Variants in CCDC170 observed in about 807,000 individuals in gnomAD.
CCDC170 encodes the protein coiled-coil domain containing 170.
Under a neutral mutation model 72.6 loss-of-function variants are expected in CCDC170, and 69 were observed. That is an observed-to-expected ratio of 0.95 (90% CI 0.78 to 1.16). The LOEUF (loss-of-function observed/expected upper bound fraction) is 1.16, where lower values mean the gene tolerates loss of function less well. Ranked by LOEUF, CCDC170 falls within the 50% of genes most tolerant of loss-of-function variation. CCDC170 has a pLI of 0.00. For missense variants in CCDC170, 852 were observed against 832.5 expected, an observed-to-expected ratio of 1.02 and a Z score of -0.29; for synonymous variants, 300 against 303.9, an observed-to-expected ratio of 0.99 and a Z score of 0.13.
At chr6:151,516,519 G>T (rs1034974730) in intron 1 of CCDC170, among the ~76,000 whole-genome samples, 1 of 152,166 alleles carries the variant, frequency 6.6e-6, no homozygotes, top group East Asian at 1.9e-4. Flanking sequence ...TGTTGAAGCG[G>T]TGTTGTTGTC....
chr6:151,565,703 T>G (rs1422297270), intron 5 of CCDC170, among the ~76,000 whole-genome samples: 1 of 152,204 alleles, frequency 6.6e-6, no homozygotes, highest in African/African-American at 2.4e-5. Context: ...TGTCCCCTAA[T>G]TTTTAGCCTC....
intron 9 of CCDC170, among the ~76,000 whole-genome samples, chr6:151,613,557 T>C (rs184410833): frequency 9.7e-4 from 148 of 152,300 alleles, no homozygotes; most frequent in Non-Finnish European, 1.9e-3. Context: ...CCCCTGGCCT[T>C]TTCTGGATCT....
At chr6:151,556,538 T>C (rs541887247) in intron 5 of CCDC170, among the ~76,000 whole-genome samples, 46 of 152,354 alleles carry the variant, frequency 3.0e-4, no homozygotes, top group Middle Eastern at 3.4e-3. Context: ...TGAGGCAGTA[T>C]TTGGCAAAGA....
chr6:151,599,939 G>A (rs1210595359), intron 9 of CCDC170, among the ~76,000 whole-genome samples: 1 of 152,198 alleles, frequency 6.6e-6, no homozygotes, highest in Non-Finnish European at 1.5e-5. Context: ...TTACTTGGTT[G>A]CCTTATTTTG....
In CCDC170 at chr6:151,580,895, T is replaced by A. The variant is rs1389179991; in HGVS notation, c.1093-4994T>A. 1.3e-5 allele frequency among the ~76,000 whole-genome samples: 2 copies of A among 152,218 alleles called. 1 individual carries two copies. The highest frequency in any genetic ancestry group is 2.9e-5 in the Non-Finnish European group (2 of 68,040). On this transcript the variant is annotated intron_variant, in intron 6 of 10. Coordinates refer to ENST00000239374, the MANE Select transcript of CCDC170 (RefSeq NM_025059.4). Reference sequence around the variant, plus strand: ...CACACAATTTTTTTTGGTTTCTCAGTGCATATAAAAGTTATGTTTATACTA... The same window carrying A: ...CACACAATTTTTTTTGGTTTCTCAGAGCATATAAAAGTTATGTTTATACTA...
Position 151,574,396 on chromosome 6 carries a change from G to A in CCDC170, c.1092+905G>A, listed in dbSNP as rs750759428. 2.6e-5 allele frequency among the ~76,000 whole-genome samples: 4 copies of A among 152,160 alleles called. No individual in the cohort carries two copies. In the East Asian group the frequency reaches 7.7e-4, roughly 29 times the overall value. ...AGCTTGGGTAGGTTCTTGAGTTTAC[G>A]GCCTCGGAGATTTTGTTTTCTTATC... On this transcript the variant is annotated intron_variant, in intron 6 of 10. Coordinates refer to ENST00000239374, the MANE Select transcript of CCDC170 (RefSeq NM_025059.4).
chr6:151,549,639 C>A (rs919762247), intron 5 of CCDC170, among the ~76,000 whole-genome samples: 1 of 151,620 alleles, frequency 6.6e-6, no homozygotes, highest in African/African-American at 2.4e-5. Context: ...GTTGCCCAGG[C>A]TGGTCCTAAA....
chr6:151,540,373 CTTTTTTTTTTTTTT>C (rs779650559), intron 3 of CCDC170, among the ~76,000 whole-genome samples: 13 of 37,984 alleles, frequency 3.4e-4, no homozygotes, highest in Admixed American at 6.0e-4. Context: ...TCTGCTGCTG[CTTTTTTTTTTTTTT>C]TTTTTTTTTT....
intron 7 of CCDC170, among the ~76,000 whole-genome samples, chr6:151,586,555 G>C (rs1262098022): frequency 2.0e-5 from 3 of 151,982 alleles, no homozygotes; most frequent in Non-Finnish European, 4.4e-5. Flanking sequence ...AGATACTGTA[G>C]GGGAAACAGT....
At chr6:151,515,911 C>T (rs1782228222) in intron 1 of CCDC170, among the ~76,000 whole-genome samples, 1 of 151,826 alleles carries the variant, frequency 6.6e-6, no homozygotes, top group African/African-American at 2.4e-5. Context: ...ACTAAAAATA[C>T]AAAAATTAGC....
At chr6:151,601,518 C>CGT (rs201008177) in intron 9 of CCDC170, among the ~76,000 whole-genome samples, 8,665 of 150,522 alleles carry the variant, frequency 0.058, 297 homozygotes, top group South Asian at 0.096. Flanking sequence ...AAAAACAGTG[C>CGT]GTGTGTGTGT....
chr6:151,589,099 C>CA (rs778974696), intron 7 of CCDC170, among the ~76,000 whole-genome samples: 1 of 151,874 alleles, frequency 6.6e-6, no homozygotes, highest in Non-Finnish European at 1.5e-5. Context: ...ACTAAAAATA[C>CA]AAAAAATTAG....
intron 9 of CCDC170, among the ~76,000 whole-genome samples, chr6:151,610,717 G>T (rs758993087): frequency 6.6e-6 from 1 of 152,174 alleles, no homozygotes; most frequent in Non-Finnish European, 1.5e-5. Context: ...GGTCTGCAAG[G>T]TCAGCCCCTG....
At chr6:151,612,119 C>T (rs1311463845) in intron 9 of CCDC170, among the ~76,000 whole-genome samples, 1 of 152,208 alleles carries the variant, frequency 6.6e-6, no homozygotes, top group African/African-American at 2.4e-5. Flanking sequence ...ATCTGGACAT[C>T]TATATCCCAA....
intron 6 of CCDC170, among the ~76,000 whole-genome samples, chr6:151,580,541 G>T (rs1776366056): frequency 6.6e-6 from 1 of 152,008 alleles, no homozygotes; most frequent in Admixed American, 6.5e-5. Flanking sequence ...TTATTGGTAA[G>T]CAGGAAAGGT....
At chr6:151,551,364 A>G (rs544312260) in intron 5 of CCDC170, among the ~76,000 whole-genome samples, 3 of 152,306 alleles carry the variant, frequency 2.0e-5, no homozygotes, top group South Asian at 4.1e-4. Context: ...AAAGTTAACT[A>G]TAATGCCGGA....
chr6:151,548,906 G>T lies in CCDC170; in HGVS notation c.774+417G>T, dbSNP rs1176825908. ...AGCTAGTTTTTTTGTTTGTTTGTTTGTTTTTTTTGTTTTGGACGGAGTCTC... is the reference window on the plus strand; with the variant it reads ...AGCTAGTTTTTTTGTTTGTTTGTTTTTTTTTTTTGTTTTGGACGGAGTCTC... On this transcript the variant is annotated intron_variant, in intron 5 of 10. Transcript: ENST00000239374. Among the ~76,000 whole-genome samples, 11 of 148,878 alleles carry T rather than the reference G, an allele frequency of 7.4e-5. 1 individual carries two copies. In the South Asian group the frequency reaches 1.7e-3, roughly 23 times the overall value.
intron 5 of CCDC170, among the ~76,000 whole-genome samples, chr6:151,551,877 C>A (rs1782884028): frequency 6.6e-6 from 1 of 152,108 alleles, no homozygotes; most frequent in Non-Finnish European, 1.5e-5. Context: ...TTGTTTTAAG[C>A]CACCAAGTTT....
At chr6:151,516,566 G>GAACAAAAACAA in intron 1 of CCDC170, among the ~76,000 whole-genome samples, 1 of 152,136 alleles carries the variant, frequency 6.6e-6, no homozygotes, top group East Asian at 1.9e-4. Context: ...CTCGCACCAA[G>GAACAAAAACAA]AAGATTAAGG....
Sources: allele counts gnomAD v4.1 joint callset (sites outside exome capture counted in the v4.1 genomes callset), GRCh38; gene constraint gnomAD v4.1.1; transcripts MANE v1.5; gene names NCBI Gene and HGNC (gene_info 2026-07-23, HGNC 2026-07-21).